The following CIMIP4 variants were observed in gnomAD, a reference collection of about 807,000 sequenced individuals.
CIMIP4 encodes the protein ciliary microtubule inner protein 4.
At chr22:36,993,585 C>G in the CIMIP4 span, among the ~76,000 whole-genome samples, 1 of 151,554 alleles carries the variant, frequency 6.6e-6, no homozygotes, top group Non-Finnish European at 1.5e-5. Flanking sequence ...AAAAATTAGC[C>G]GGGCGTTGTG....
the CIMIP4 span, among the ~76,000 whole-genome samples, chr22:36,993,641 A>G: frequency 6.6e-6 from 1 of 151,964 alleles, no homozygotes; most frequent in Non-Finnish European, 1.5e-5. Flanking sequence ...AGGCAGGAGA[A>G]TGGCGTGAAC....
the CIMIP4 span, chr22:36,999,877 A>G: frequency 6.2e-7 from 1 of 1,613,974 alleles, no homozygotes; most frequent in Non-Finnish European, 8.5e-7. Flanking sequence ...AGCCGAGGTC[A>G]TAGTAGTCTG....
the CIMIP4 span, chr22:37,002,340 G>A: frequency 9.7e-7 from 1 of 1,031,956 alleles, no homozygotes; most frequent in Non-Finnish European, 1.2e-6. Flanking sequence ...GGGAGGGAGA[G>A]AGACACGCAG....
At chr22:36,991,585 G>A in the CIMIP4 span, 12 of 1,614,160 alleles carry the variant, frequency 7.4e-6, no homozygotes, top group Middle Eastern at 1.6e-4. Context: ...TGTCTCCTCA[G>A]CAGCCCCTGT....
At chr22:36,998,827 C>A in the CIMIP4 span, among the ~76,000 whole-genome samples, 1 of 152,152 alleles carries the variant, frequency 6.6e-6, no homozygotes, top group South Asian at 2.1e-4. Flanking sequence ...CACCTCCAGG[C>A]TCTGGAGAAG....
At chr22:36,996,657 G>T in the CIMIP4 span, among the ~76,000 whole-genome samples, 6 of 152,264 alleles carry the variant, frequency 3.9e-5, no homozygotes, top group East Asian at 1.2e-3. Flanking sequence ...TCCCAACAGG[G>T]TTTTTCATGG....
the CIMIP4 span, among the ~76,000 whole-genome samples, chr22:36,995,507 A>G: frequency 6.6e-6 from 1 of 152,112 alleles, no homozygotes; most frequent in African/African-American, 2.4e-5. Flanking sequence ...AGGCCATCCC[A>G]CATGGTTCCC....
the CIMIP4 span, among the ~76,000 whole-genome samples, chr22:36,996,872 A>T: frequency 6.6e-6 from 1 of 152,246 alleles, no homozygotes; most frequent in African/African-American, 2.4e-5. Context: ...CATGTGTCAA[A>T]ACCTGATGGA....
the CIMIP4 span, chr22:37,002,193 C>A: frequency 3.4e-6 from 5 of 1,484,466 alleles, no homozygotes; most frequent in South Asian, 2.8e-5. Context: ...GATGACAGAC[C>A]CTGGTTCTTG....
chr22:36,998,466 C>T, the CIMIP4 span, among the ~76,000 whole-genome samples: 5 of 152,204 alleles, frequency 3.3e-5, no homozygotes, highest in South Asian at 8.3e-4. Context: ...GAAACAGCCT[C>T]ATTTTGCAAT....
chr22:36,991,642 G>T, the CIMIP4 span: 2 of 1,441,304 alleles, frequency 1.4e-6, no homozygotes, highest in Non-Finnish European at 2.0e-6. Context: ...TGGCAGTCGG[G>T]TACTCCATGG....
the CIMIP4 span, chr22:36,991,620 T>C: frequency 1.3e-6 from 2 of 1,599,068 alleles, no homozygotes; most frequent in Non-Finnish European, 8.6e-7. Flanking sequence ...AAACCCCAAG[T>C]GCCCAATTCA....
the CIMIP4 span, chr22:37,003,885 G>A: frequency 4.2e-6 from 6 of 1,428,270 alleles, no homozygotes; most frequent in Non-Finnish European, 5.6e-6. Flanking sequence ...GGAGGAGAAA[G>A]GGCCGGTGCC....
the CIMIP4 span, chr22:37,000,048 C>T: frequency 1.3e-6 from 2 of 1,549,780 alleles, no homozygotes; most frequent in Non-Finnish European, 1.7e-6. Context: ...CCATATCTCC[C>T]TCCAACTCCT....
chr22:36,998,176 A>G, the CIMIP4 span, among the ~76,000 whole-genome samples: 1 of 152,214 alleles, frequency 6.6e-6, no homozygotes, highest in Non-Finnish European at 1.5e-5. Flanking sequence ...ACATTATCAT[A>G]CAAAGTTGTA....
At chr22:36,993,957 A>C in the CIMIP4 span, among the ~76,000 whole-genome samples, 5,503 of 152,326 alleles carry the variant, frequency 0.036, 150 homozygotes, top group Admixed American at 0.094. Flanking sequence ...GGAAGAACAG[A>C]AAAAGATATA....
chr22:37,005,381 A>G, the CIMIP4 span, among the ~76,000 whole-genome samples: 1 of 152,198 alleles, frequency 6.6e-6, no homozygotes, highest in Non-Finnish European at 1.5e-5. Flanking sequence ...TCTAAGCTTT[A>G]TGGTCATTTG....
At chr22:36,999,843 G>A in the CIMIP4 span, 429 of 1,612,750 alleles carry the variant, frequency 2.7e-4, 3 homozygotes, top group South Asian at 7.8e-4. Context: ...ACTTGACCTC[G>A]AAACAAGTTT....
At chr22:36,992,526 A>G in the CIMIP4 span, among the ~76,000 whole-genome samples, 2 of 152,192 alleles carry the variant, frequency 1.3e-5, no homozygotes, top group Non-Finnish European at 2.9e-5. Flanking sequence ...CTCCATGGCA[A>G]TAAGATGCCT....
Sources: allele counts gnomAD v4.1 joint callset (sites outside exome capture counted in the v4.1 genomes callset), GRCh38; gene constraint gnomAD v4.1.1; transcripts MANE v1.5; gene names NCBI Gene and HGNC (gene_info 2026-07-23, HGNC 2026-07-21).